Variants in KIF13A observed in about 807,000 individuals in gnomAD.
KIF13A encodes the protein kinesin-like protein KIF13A.
Under a neutral mutation model 212.2 loss-of-function variants are expected in KIF13A, and 79 were observed. The ratio of observed to expected loss-of-function variants is 0.37; its 90% CI spans 0.31 to 0.45. The LOEUF (loss-of-function observed/expected upper bound fraction) is 0.45, where lower values mean the gene tolerates loss of function less well. KIF13A is among the 20% of genes least tolerant of loss of function. The pLI is 1.00. For missense variants in KIF13A, 1,901 were observed against 2,209.0 expected (o/e 0.86, Z 2.79); for synonymous variants, 789 against 808.6 (o/e 0.98, Z 0.41).
chr6:17,812,786 C>T (rs1392591205), intron 17 of KIF13A, among the ~76,000 whole-genome samples: 3 of 152,210 alleles, frequency 2.0e-5, no homozygotes, highest in African/African-American at 7.2e-5. Flanking sequence ...TTAATTTACA[C>T]TCTCACCAAC....
At chr6:17,861,684 T>C (rs1562068033) in intron 4 of KIF13A, among the ~76,000 whole-genome samples, 1 of 152,196 alleles carries the variant, frequency 6.6e-6, no homozygotes, top group Non-Finnish European at 1.5e-5. Context: ...TTATTGTTCA[T>C]TTGTATTAAC....
At chr6:17,983,534 C>T (rs1292384124) in intron 2 of KIF13A, among the ~76,000 whole-genome samples, 1 of 150,308 alleles carries the variant, frequency 6.7e-6, no homozygotes, top group East Asian at 2.0e-4. Flanking sequence ...ACTCCGTTGC[C>T]CAGGCGAGAG....
intron 16 of KIF13A, among the ~76,000 whole-genome samples, chr6:17,824,349 C>T (rs1211648711): frequency 1.3e-5 from 2 of 152,174 alleles, no homozygotes; most frequent in Non-Finnish European, 2.9e-5. Flanking sequence ...ATTCTCTCAC[C>T]ATGTGCTTGC....
At chr6:17,939,170 C>T (rs1334529539) in intron 2 of KIF13A, among the ~76,000 whole-genome samples, 1 of 152,176 alleles carries the variant, frequency 6.6e-6, no homozygotes, top group Non-Finnish European at 1.5e-5. Flanking sequence ...TTTCCTTGTG[C>T]ATCTGCTACA....
intron 3 of KIF13A, among the ~76,000 whole-genome samples, chr6:17,890,789 G>GTTAATAATAATAATA (rs2150469310): frequency 3.8e-5 from 2 of 52,388 alleles, no homozygotes; most frequent in African/African-American, 1.6e-4. Context: ...ACTATGCCCA[G>GTTAATAATAATAATA]CTAATAATAA....
intron 2 of KIF13A, among the ~76,000 whole-genome samples, chr6:17,983,898 TCTC>T (rs1478008636): frequency 1.3e-5 from 2 of 152,162 alleles, no homozygotes; most frequent in African/African-American, 4.8e-5. Context: ...CAAAGGACTC[TCTC>T]CTCGTCTTGC....
chr6:17,764,115 G>A lies in KIF13A; in HGVS notation c.5413C>T (p.Gln1805Ter). The change falls in exon 39 of 39, where the codon CAA (glutamine) becomes TAA (stop). Residue 1805 changes from glutamine to a stop codon, truncating the protein, a stop_gained. Transcript: ENST00000259711. LOFTEE classifies it high-confidence loss of function. This position sits in a 1 kb window ranked among gnomAD's most constrained non-coding sequence, Gnocchi z 5.1. ...TGACATACAGTTAGACATACTCATT[G>A]ACAGCACAGAACCCAAAAGGCTGCC... ...PEAAFWVLCC[Q>*] 7 of 1,613,520 alleles carry A rather than the reference G, an allele frequency of 4.3e-6. No individual in the cohort carries two copies. Among genetic ancestry groups the A allele is most frequent in the Non-Finnish European group, 5.1e-6 (6 of 1,179,632 alleles).
rs1760956566 is a variant in KIF13A at position 17,785,345 on chromosome 6, G to A, written c.3488+170C>T. Among the ~76,000 whole-genome samples the A allele has an allele frequency of 6.6e-6, 1 of 152,228 alleles. No individual in the cohort carries two copies. The highest frequency in any genetic ancestry group is 2.4e-5 in the African/African-American group (1 of 41,466). ...TTCCTGTGGGAGAAAGTTGGCTTCG[G>A]TGGGGAAGGAAAAAAAGGGATGGAA... On this transcript the variant is annotated intron_variant, in intron 28 of 38. Transcript: ENST00000259711. This position sits in a 1 kb window ranked among gnomAD's most constrained non-coding sequence, Gnocchi z 5.8.
chr6:17,908,566 C>T (rs182189692), intron 2 of KIF13A, among the ~76,000 whole-genome samples: 10 of 152,010 alleles, frequency 6.6e-5, no homozygotes, highest in East Asian at 1.9e-4. Flanking sequence ...GTCATGCCAC[C>T]GCACTCGAGC....
chr6:17,936,066 C>T (rs1776433322), intron 2 of KIF13A, among the ~76,000 whole-genome samples: 1 of 152,204 alleles, frequency 6.6e-6, no homozygotes, highest in African/African-American at 2.4e-5. Context: ...CTTCATATTA[C>T]TTATGTCAAA....
chr6:17,787,649 T>G lies in KIF13A; in HGVS notation c.3361+127A>C, dbSNP rs370246932. 5.5e-3 allele frequency: 3,274 copies of G among 592,748 alleles called. 91 individuals are homozygous for G. The African/African-American group carries it at 0.056, about 10-fold the overall frequency. 36.7% of individuals were successfully genotyped at this position (592,748 alleles called of 1,614,324 possible). ...TTGGGTGACAGAGTGAGACCCTGTC[T>G]TAAAACAACAACAACAACAACAACA... is the stretch of plus-strand genomic sequence containing the variant. On this transcript the variant is annotated intron_variant, in intron 27 of 38. Transcript: ENST00000259711. The surrounding 1 kb of genome is among the most constrained non-coding windows in gnomAD (Gnocchi z 4.6).
chr6:17,784,255 T>A (rs987490271), intron 28 of KIF13A, among the ~76,000 whole-genome samples: 5 of 150,388 alleles, frequency 3.3e-5, no homozygotes, highest in East Asian at 3.9e-4. Flanking sequence ...TCTTGTCTTA[T>A]AAAAAAAAAC....
chr6:17,849,826 GA>G lies in KIF13A; in HGVS notation c.718-338del, dbSNP rs1382613590. ...ATTCAAGTCAAATCCTTCTTCCTTT[GA>G]AAAAAGGTTTAGGCTAAAGGTTGTG... On this transcript the variant is annotated intron_variant, in intron 8 of 38. Coordinates refer to ENST00000259711, the MANE Select transcript of KIF13A (RefSeq NM_022113.6). This position sits in a 1 kb window ranked among gnomAD's most constrained non-coding sequence, Gnocchi z 5.7. Among the ~76,000 whole-genome samples, 1 of 152,114 alleles carries G rather than the reference GA, an allele frequency of 6.6e-6. No individual in the cohort carries two copies. Among genetic ancestry groups the G allele is most frequent in the African/African-American group, 2.4e-5 (1 of 41,432 alleles).
At position 17,831,092 on chromosome 6, in the gene KIF13A, T is replaced by A; in HGVS notation, c.1401+9A>T. The A allele has an allele frequency of 6.2e-7, 1 of 1,608,582 alleles. No homozygotes were observed. On this transcript the variant is annotated intron_variant, in intron 13 of 38. Transcript: ENST00000259711. ...TCTTGATTGCATATGTATTTATATG[T>A]TCTCCTACCTTTAAATAATAAACCA...
intron 2 of KIF13A, among the ~76,000 whole-genome samples, chr6:17,956,043 T>C (rs1420462607): frequency 1.3e-5 from 2 of 152,310 alleles, no homozygotes; most frequent in South Asian, 4.1e-4. Context: ...CAGTCAAGCA[T>C]TTTGAGTGTG....
intron 2 of KIF13A, among the ~76,000 whole-genome samples, chr6:17,970,063 C>T (rs1434696863): frequency 6.6e-6 from 1 of 151,972 alleles, no homozygotes; most frequent in Non-Finnish European, 1.5e-5. Flanking sequence ...GCTGGGATTA[C>T]AGGCGCCCGC....
Position 17,914,330 on chromosome 6 carries a change from T to C in KIF13A, c.147-16150A>G, listed in dbSNP as rs376345009. ...TAAAATATGCTGCCCAGAAGCTGAG[T>C]AGAATTAATTCAGAATAGATTTTCA... On this transcript the variant is annotated intron_variant, in intron 2 of 38. Coordinates refer to ENST00000259711, the MANE Select transcript of KIF13A (RefSeq NM_022113.6). The surrounding 1 kb of genome is among the most constrained non-coding windows in gnomAD (Gnocchi z 5.9). Among the ~76,000 whole-genome samples the C allele has an allele frequency of 1.3e-5, 2 of 152,122 alleles. No homozygotes were observed. Among genetic ancestry groups the C allele is most frequent in the Non-Finnish European group, 2.9e-5 (2 of 68,026 alleles).
chr6:17,966,039 C>CA (rs1185291563), intron 2 of KIF13A, among the ~76,000 whole-genome samples: 2 of 152,084 alleles, frequency 1.3e-5, no homozygotes, highest in African/African-American at 4.8e-5. Context: ...ACTAAAAATA[C>CA]AAAAATTAGC....
chr6:17,835,484 T>A (rs77876871), intron 11 of KIF13A, among the ~76,000 whole-genome samples: 3,858 of 152,206 alleles, frequency 0.025, 73 homozygotes, highest in Non-Finnish European at 0.04. Context: ...TTACAATCTA[T>A]CTGAAAATTA....
Sources: gnomAD v4.1 joint callset for allele counts (sites outside exome capture counted in the v4.1 genomes callset) on GRCh38, gnomAD v4.1.1 for gene constraint, Gnocchi (gnomAD v3.1) non-coding constraint, MANE v1.5 for transcripts, NCBI Gene and HGNC (gene_info 2026-07-23, HGNC 2026-07-21) for gene names.